Variants in TMEM71 observed in about 807,000 individuals in gnomAD.
TMEM71 encodes the protein transmembrane protein 71.
Under a neutral mutation model 38.0 loss-of-function variants are expected in TMEM71, and 44 were observed. The observed-to-expected ratio is 1.16, with a 90% CI of 0.91 to 1.49. TMEM71 has a LOEUF of 1.49. Ranked by LOEUF, TMEM71 falls within the 40% of genes most tolerant of loss-of-function variation. TMEM71 has a pLI of 0.00. For missense variants in TMEM71, 367 were observed against 348.6 expected, an observed-to-expected ratio of 1.05 and a Z score of -0.42; for synonymous variants, 133 against 122.5, an observed-to-expected ratio of 1.09 and a Z score of -0.56.
chr8:132,758,862 T>C lies in TMEM71; in HGVS notation c.18A>G (p.Gln6=), dbSNP rs1352607240. Residue 6 remains glutamine (Q), a synonymous_variant, in exon 2 of 10, where the codon CAA becomes CAG. Transcript: ENST00000677595. The part of the protein sequence containing the change: MYRIS[Q]LMSTPVASSS... Reference sequence around the variant, plus strand: ...TACTTGCTACTGGTGTTGACATCAGTTGAGATATTCGGTACATCTTGGGAA... The same window carrying C: ...TACTTGCTACTGGTGTTGACATCAGCTGAGATATTCGGTACATCTTGGGAA... 1.9e-6 allele frequency: 3 copies of C among 1,613,916 alleles called. No individual in the cohort carries two copies. The highest frequency in any genetic ancestry group is 1.7e-5 in the Admixed American group (1 of 60,012).
At chr8:132,746,734 C>T (rs892755949) in intron 5 of TMEM71, among the ~76,000 whole-genome samples, 1 of 151,970 alleles carries the variant, frequency 6.6e-6, no homozygotes, top group Admixed American at 6.6e-5. Context: ...TACACATTTA[C>T]ATTAGGCTAT....
chr8:132,765,383 A>G (rs1829351854), upstream of TMEM71, among the ~76,000 whole-genome samples: 2 of 152,170 alleles, frequency 1.3e-5, no homozygotes, highest in Admixed American at 6.5e-5. Flanking sequence ...ACTTCCTTCC[A>G]TTTTACAAGT....
intron 3 of TMEM71, among the ~76,000 whole-genome samples, chr8:132,753,465 A>C (rs1032363143): frequency 3.9e-5 from 6 of 152,274 alleles, no homozygotes; most frequent in South Asian, 2.1e-4. Context: ...GATTCTAAGA[A>C]TCAGGAGTTT....
the TMEM71 span, among the ~76,000 whole-genome samples, chr8:132,773,952 G>T: frequency 3.3e-5 from 5 of 152,134 alleles, no homozygotes; most frequent in African/African-American, 2.4e-5. Context: ...CACAGTAGTT[G>T]TAGATTATCA....
At chr8:132,713,900 G>T (rs1826366107) in intron 9 of TMEM71, 95 bp downstream of exon 9, 1 of 1,203,702 alleles carries the variant, frequency 8.3e-7, no homozygotes, top group Non-Finnish European at 1.2e-6. Flanking sequence ...GATGTTTCCT[G>T]TCATTGCCAT....
chr8:132,750,519 C>T, intron 4 of TMEM71, among the ~76,000 whole-genome samples: 1 of 152,168 alleles, frequency 6.6e-6, no homozygotes, highest in East Asian at 1.9e-4. Flanking sequence ...CTATATAATG[C>T]ATACTTGATT....
At chr8:132,718,489 C>T (rs1028199214) in intron 7 of TMEM71, among the ~76,000 whole-genome samples, 7 of 150,772 alleles carry the variant, frequency 4.6e-5, no homozygotes, top group African/African-American at 1.7e-4. Flanking sequence ...GATCCACCTC[C>T]CGGGTTCACA....
intron 1 of TMEM71, 25 bp from the exon 2 acceptor site, chr8:132,758,940 T>C: frequency 3.4e-6 from 5 of 1,449,674 alleles, no homozygotes; most frequent in East Asian, 2.3e-5. Flanking sequence ...AAAAAAAAGG[T>C]GGACTATATA....
chr8:132,707,042 G>A (rs1826104524), downstream of TMEM71, among the ~76,000 whole-genome samples: 1 of 152,178 alleles, frequency 6.6e-6, no homozygotes, highest in African/African-American at 2.4e-5. Context: ...CCACAGACAT[G>A]CGATCAGCAA....
intron 5 of TMEM71, among the ~76,000 whole-genome samples, chr8:132,739,254 CAG>C (rs776773002): frequency 5.3e-5 from 8 of 152,196 alleles, no homozygotes; most frequent in Admixed American, 1.3e-4. Flanking sequence ...GGCAGCAGAG[CAG>C]AGTCTGGACT....
chr8:132,772,807 C>G, the TMEM71 span, among the ~76,000 whole-genome samples: 1 of 152,132 alleles, frequency 6.6e-6, no homozygotes, highest in Non-Finnish European at 1.5e-5. Flanking sequence ...TAGTGAGGTG[C>G]TTGTATCTAA....
chr8:132,717,542 T>A (rs1826600640), intron 7 of TMEM71, among the ~76,000 whole-genome samples: 1 of 152,148 alleles, frequency 6.6e-6, no homozygotes, highest in Non-Finnish European at 1.5e-5. Context: ...CACAGTGAGA[T>A]ATCACACCAC....
At chr8:132,760,931 T>C (rs901721892), upstream of TMEM71, among the ~76,000 whole-genome samples, 5 of 152,222 alleles carry the variant, frequency 3.3e-5, no homozygotes, top group East Asian at 9.6e-4. Context: ...AGAGTAGTGA[T>C]CTTTGTCCAA....
intron 6 of TMEM71, among the ~76,000 whole-genome samples, chr8:132,724,238 A>G (rs1827007691): frequency 6.6e-6 from 1 of 152,176 alleles, no homozygotes; most frequent in African/African-American, 2.4e-5. Context: ...TCTGACCTCA[A>G]ATTTACCAGG....
chr8:132,734,372 G>A (rs1379085716), intron 5 of TMEM71, among the ~76,000 whole-genome samples: 1 of 152,136 alleles, frequency 6.6e-6, no homozygotes, highest in Non-Finnish European at 1.5e-5. Context: ...GAGGAGGCTA[G>A]CTGATCAAAT....
chr8:132,775,834 C>T, the TMEM71 span, among the ~76,000 whole-genome samples: 1 of 152,166 alleles, frequency 6.6e-6, no homozygotes, highest in Non-Finnish European at 1.5e-5. Flanking sequence ...TGCGGAGGGC[C>T]GGATGGCTGT....
chr8:132,738,656 G>T (rs185397101), intron 5 of TMEM71, among the ~76,000 whole-genome samples: 17 of 152,154 alleles, frequency 1.1e-4, no homozygotes, highest in East Asian at 7.7e-4. Context: ...GGCATAAAAG[G>T]TTCTTCAAAT....
intron 3 of TMEM71, among the ~76,000 whole-genome samples, chr8:132,753,651 G>C (rs1294052715): frequency 2.0e-5 from 3 of 152,134 alleles, no homozygotes; most frequent in African/African-American, 7.2e-5. Flanking sequence ...ACAAGACAGG[G>C]AATCTGAAGT....
chr8:132,730,922 T>C (rs4736425), intron 5 of TMEM71, among the ~76,000 whole-genome samples: 87,850 of 152,006 alleles, frequency 0.58, 28,220 homozygotes, highest in African/African-American at 0.87. Context: ...CATGTACACA[T>C]GAGTCAACAG....
Sources: allele counts gnomAD v4.1 joint callset (sites outside exome capture counted in the v4.1 genomes callset), GRCh38; gene constraint gnomAD v4.1.1; transcripts MANE v1.5; gene names NCBI Gene and HGNC (gene_info 2026-07-23, HGNC 2026-07-21).